The following PREP variants were observed in gnomAD, a reference collection of about 807,000 sequenced individuals.
The protein encoded by PREP is prolyl endopeptidase, also known as dJ355L5.1 (prolyl endopeptidase).
Under a neutral mutation model 87.6 loss-of-function variants are expected in PREP, and 29 were observed. The observed-to-expected ratio is 0.33, with a 90% CI of 0.25 to 0.45. The LOEUF is 0.45. Ranked by LOEUF, PREP falls within the 20% of genes least tolerant of loss-of-function variation. The pLI is 1.00. For missense variants in PREP, 695 were observed against 886.5 expected, an observed-to-expected ratio of 0.78 and a Z score of 2.74; for synonymous variants, 337 against 328.6, an observed-to-expected ratio of 1.03 and a Z score of -0.28.
intron 1 of PREP, among the ~76,000 whole-genome samples, chr6:105,399,783 T>G (rs1051816281): frequency 1.3e-5 from 2 of 152,198 alleles, no homozygotes; most frequent in African/African-American, 4.8e-5. Flanking sequence ...AATCATGCAC[T>G]TCTAGGAGCA....
intron 1 of PREP, among the ~76,000 whole-genome samples, chr6:105,400,625 A>G (rs1583112862): frequency 6.6e-6 from 1 of 151,848 alleles, no homozygotes; most frequent in South Asian, 2.1e-4. Flanking sequence ...TTCTCCTCTC[A>G]CCCTAAATCC....
chr6:105,402,824 T>C (rs937757558), intron 1 of PREP, 23 bp downstream of exon 1: 1 of 1,537,130 alleles, frequency 6.5e-7, no homozygotes, highest in Non-Finnish European at 8.8e-7. Context: ...GGGAGCCCTC[T>C]GGGCGGAGGC....
At chr6:105,317,666 G>C (rs1359194097) in intron 10 of PREP, among the ~76,000 whole-genome samples, 3 of 152,140 alleles carry the variant, frequency 2.0e-5, no homozygotes, top group Non-Finnish European at 4.4e-5. Context: ...TCCACATCCT[G>C]CTCAGGGACT....
At chr6:105,378,773 C>T (rs1487060132) in intron 2 of PREP, among the ~76,000 whole-genome samples, 1 of 152,144 alleles carries the variant, frequency 6.6e-6, no homozygotes, top group Non-Finnish European at 1.5e-5. Context: ...ATAAGTAAAT[C>T]ATCAGGGAAA....
intron 10 of PREP, among the ~76,000 whole-genome samples, chr6:105,291,176 C>T (rs1159334124): frequency 6.6e-6 from 1 of 151,972 alleles, no homozygotes. Context: ...ACCTTTTTTG[C>T]TGGTGGAGGG....
intron 10 of PREP, among the ~76,000 whole-genome samples, chr6:105,295,350 G>A (rs116166093): frequency 5.0e-4 from 76 of 151,772 alleles, no homozygotes; most frequent in African/African-American, 1.7e-3. Context: ...CACTACTACT[G>A]TGCTCTTTCA....
chr6:105,400,279 C>A (rs1366912262), intron 1 of PREP, among the ~76,000 whole-genome samples: 2 of 152,232 alleles, frequency 1.3e-5, no homozygotes, highest in Admixed American at 1.3e-4. Context: ...TAATCCTGTT[C>A]GATATTTTAC....
intron 6 of PREP, 58 bp from the exon 7 acceptor site, chr6:105,353,135 AT>A: frequency 1.5e-6 from 2 of 1,330,404 alleles, no homozygotes; most frequent in Non-Finnish European, 2.1e-6. Flanking sequence ...TTGTGAGAAC[AT>A]TATTGAATAT....
rs150078246 is a variant in PREP at position 105,293,430 on chromosome 6, T to C, written c.1318-4536A>G. On this transcript the variant is annotated intron_variant, in intron 10 of 14. Coordinates refer to ENST00000652536, the MANE Select transcript of PREP (RefSeq NM_002726.5). ...CCACAAAACAATTACAATAGTAACA[T>C]TGAAGATCACTGATGAGGGATCTCC... 1.8e-3 allele frequency among the ~76,000 whole-genome samples: 279 copies of C among 152,234 alleles called. 1 individual carries two copies. Among genetic ancestry groups the C allele is most frequent in the Middle Eastern group, 0.01 (3 of 294 alleles).
chr6:105,291,582 T>C (rs1415645085), intron 10 of PREP, among the ~76,000 whole-genome samples: 1 of 152,186 alleles, frequency 6.6e-6, no homozygotes, highest in African/African-American at 2.4e-5. Context: ...CTTTCTCCCA[T>C]GCTGGATGCT....
At chr6:105,315,891 A>C (rs1268960049) in intron 10 of PREP, among the ~76,000 whole-genome samples, 1 of 152,174 alleles carries the variant, frequency 6.6e-6, no homozygotes, top group African/African-American at 2.4e-5. Context: ...TTTAGTCTTC[A>C]CAGAACTGAA....
chr6:105,397,782 A>G, intron 2 of PREP, 71 bp downstream of exon 2: 1 of 1,197,424 alleles, frequency 8.4e-7, no homozygotes, highest in Non-Finnish European at 1.2e-6. Flanking sequence ...AGGAAAAGCT[A>G]TAGTTACTGA....
At chr6:105,354,904 C>A (rs1772052777) in intron 6 of PREP, among the ~76,000 whole-genome samples, 1 of 152,022 alleles carries the variant, frequency 6.6e-6, no homozygotes. Context: ...ACTTGCTAAG[C>A]AGTTATTTTG....
intron 1 of PREP, 151 bp from the exon 2 acceptor site, chr6:105,398,078 CA>C: frequency 1.6e-6 from 1 of 622,816 alleles, no homozygotes; most frequent in Non-Finnish European, 2.8e-6. Flanking sequence ...CCACATGAAC[CA>C]AAGTTGGCAG....
chr6:105,368,760 A>G (rs531983087), intron 6 of PREP, 143 bp downstream of exon 6: 3 of 976,292 alleles, frequency 3.1e-6, no homozygotes, highest in Non-Finnish European at 4.5e-6. Context: ...TTAAGAGTCA[A>G]TCTGAATACC....
rs562828860 is a variant in PREP at position 105,342,802 on chromosome 6, C to T, written c.824-9297G>A. Among the ~76,000 whole-genome samples the T allele has an allele frequency of 7.2e-5, 11 of 152,284 alleles. No homozygotes were observed. The East Asian group carries it at 7.7e-4, about 11-fold the overall frequency. ...CAATTGCTACAAAGAGAATAAAATA[C>T]CTAGGAATCCAACTTACAAGGGATG... is the stretch of plus-strand genomic sequence containing the variant. On this transcript the variant is annotated intron_variant, in intron 7 of 14. Transcript: ENST00000652536.
Position 105,281,566 on chromosome 6 carries a change from C to A in PREP, c.1838+180G>T, listed in dbSNP as rs529322695. 1.3e-5 allele frequency: 9 copies of A among 711,538 alleles called. No individual in the cohort carries two copies. In the East Asian group the frequency reaches 2.5e-4, roughly 19 times the overall value. The allele number at this position is 711,538 out of a possible 1,614,324, so 44.1% of individuals were successfully genotyped here. ...CTACCACATTTTTTGTAGTTTGTTG[C>A]TTTTGTTCAAGACCATATTAAATCA... On this transcript the variant is annotated intron_variant, in intron 14 of 14. Coordinates refer to ENST00000652536, the MANE Select transcript of PREP (RefSeq NM_002726.5).
chr6:105,339,217 C>T (rs1282186021), intron 7 of PREP, among the ~76,000 whole-genome samples: 1 of 152,174 alleles, frequency 6.6e-6, no homozygotes, highest in Non-Finnish European at 1.5e-5. Flanking sequence ...GCAACATTCG[C>T]CATTCTGCAA....
intron 11 of PREP, 138 bp downstream of exon 11, chr6:105,288,620 G>C: frequency 8.8e-7 from 1 of 1,132,562 alleles, no homozygotes; most frequent in South Asian, 1.7e-5. Flanking sequence ...GCCTCCCAAG[G>C]TGCTGGGATT....
Sources: gnomAD v4.1 joint callset for allele counts (sites outside exome capture counted in the v4.1 genomes callset) on GRCh38, gnomAD v4.1.1 for gene constraint, MANE v1.5 for transcripts, NCBI Gene and HGNC (gene_info 2026-07-23, HGNC 2026-07-21) for gene names.